Variants in AGBL1 observed in about 807,000 individuals in gnomAD.
The protein encoded by AGBL1 is AGBL carboxypeptidase 1, also known as cytosolic carboxypeptidase 4.
AGBL1 carries 130 observed loss-of-function variants against 118.9 expected under a neutral mutation model. The observed-to-expected ratio is 1.09, with a 90% CI of 0.95 to 1.26. The LOEUF (loss-of-function observed/expected upper bound fraction) is 1.26, where lower values mean the gene tolerates loss of function less well. Ranked by LOEUF, AGBL1 falls within the 50% of genes most tolerant of loss-of-function variation. The pLI, the probability that AGBL1 is intolerant of heterozygous loss-of-function variation, is 0.00. For missense variants in AGBL1, 1,584 were observed against 1,298.1 expected (o/e 1.22, Z -3.38); for synonymous variants, 555 against 478.9 (o/e 1.16, Z -2.08).
intron 5 of AGBL1, among the ~76,000 whole-genome samples, chr15:86,161,895 G>C (rs1312005287): frequency 6.6e-6 from 1 of 152,206 alleles, no homozygotes; most frequent in Non-Finnish European, 1.5e-5. Flanking sequence ...CTTAAAGCAT[G>C]AATGTCAAGT....
Position 86,674,435 on chromosome 15 carries a change from C to T in AGBL1, c.3157C>T (p.Arg1053Trp), listed in dbSNP as rs185919705. Residue 1053 changes from arginine to tryptophan, a missense_variant and splice_region_variant, in exon 22 of 23, where the codon CGG (arginine) becomes TGG (tryptophan). Coordinates refer to ENST00000614907, the MANE Select transcript of AGBL1 (RefSeq NM_001386094.1). ...GGACGCTCTGGACCAGCACCTCCAA[C>T]GGTAAGATGCTCCCAAGGGCTCAGA... The part of the protein sequence containing the change: ...EEDALDQHLQ[R>W]CSSSSGSVPS... The T allele has an allele frequency of 2.4e-3, 3,795 of 1,603,274 alleles. 8 individuals carry two copies. Among genetic ancestry groups the T allele is most frequent in the Non-Finnish European group, 2.7e-3 (3,201 of 1,171,986 alleles).
At chr15:86,246,831 A>G (rs1673338121) in intron 6 of AGBL1, among the ~76,000 whole-genome samples, 1 of 152,200 alleles carries the variant, frequency 6.6e-6, no homozygotes, top group Non-Finnish European at 1.5e-5. Context: ...CCTTACAGGT[A>G]CTATATCTCA....
intron 17 of AGBL1, among the ~76,000 whole-genome samples, chr15:86,378,391 C>T (rs890860173): frequency 6.6e-6 from 1 of 152,114 alleles, no homozygotes; most frequent in Admixed American, 6.5e-5. Flanking sequence ...TCCCATCGGC[C>T]TTCCTCTCTT....
chr15:86,997,544 G>A (rs1457942161), intron 24 of AGBL1, among the ~76,000 whole-genome samples: 1 of 152,074 alleles, frequency 6.6e-6, no homozygotes, highest in Non-Finnish European at 1.5e-5. Flanking sequence ...TAGCAACTAG[G>A]ATAGCCTTTG....
intron 5 of AGBL1, among the ~76,000 whole-genome samples, chr15:86,224,544 G>C (rs911824597): frequency 6.6e-6 from 1 of 152,062 alleles, no homozygotes; most frequent in South Asian, 2.1e-4. Context: ...CCATCCTCCA[G>C]AGTCCCTGCA....
At chr15:86,965,405 T>C (rs2081039342) in intron 23 of AGBL1, among the ~76,000 whole-genome samples, 1 of 152,144 alleles carries the variant, frequency 6.6e-6, no homozygotes, top group African/African-American at 2.4e-5. Context: ...TTTTTTTTCA[T>C]GTGTTTGTTG....
chr15:86,574,209 A>G (rs575030785), intron 21 of AGBL1, among the ~76,000 whole-genome samples: 19 of 152,224 alleles, frequency 1.2e-4, no homozygotes. Context: ...ATTTATCTGC[A>G]TGCTGTGCAC....
At chr15:86,198,488 G>A (rs1298274260) in intron 5 of AGBL1, among the ~76,000 whole-genome samples, 1 of 152,102 alleles carries the variant, frequency 6.6e-6, no homozygotes, top group Non-Finnish European at 1.5e-5. Flanking sequence ...GGGGTCAGAG[G>A]CAGAATGCTA....
At chr15:86,649,258 T>C (rs1315844144) in intron 21 of AGBL1, among the ~76,000 whole-genome samples, 1 of 152,190 alleles carries the variant, frequency 6.6e-6, no homozygotes, top group African/African-American at 2.4e-5. Flanking sequence ...GAAGAGGTTG[T>C]GGGAGTCTTT....
intron 22 of AGBL1, among the ~76,000 whole-genome samples, chr15:86,762,728 C>A (rs1048864033): frequency 2.6e-5 from 4 of 151,914 alleles, no homozygotes; most frequent in African/African-American, 9.7e-5. Flanking sequence ...CATTTGGTTT[C>A]TTTATCTCTG....
chr15:86,522,277 G>A (rs1034044315), intron 18 of AGBL1, among the ~76,000 whole-genome samples: 1 of 152,160 alleles, frequency 6.6e-6, no homozygotes, highest in African/African-American at 2.4e-5. Flanking sequence ...AACAGGGTTA[G>A]AAGCAAATAA....
At chr15:86,559,801 T>G (rs1274458604) in intron 21 of AGBL1, among the ~76,000 whole-genome samples, 1 of 152,080 alleles carries the variant, frequency 6.6e-6, no homozygotes, top group African/African-American at 2.4e-5. Flanking sequence ...GACAGATATG[T>G]TGCTGGGATC....
In AGBL1 at chr15:86,257,342, T is replaced by C. The variant is rs187957189; in HGVS notation, c.901+324T>C. Reference sequence around the variant, plus strand: ...ATCCCATGATCGAATCTCTGCAGCATACTGACTGTGGAATTAATTTGCCCT... The same window carrying C: ...ATCCCATGATCGAATCTCTGCAGCACACTGACTGTGGAATTAATTTGCCCT... On this transcript the variant is annotated intron_variant, in intron 8 of 22. Coordinates refer to ENST00000614907, the MANE Select transcript of AGBL1 (RefSeq NM_001386094.1). Among the ~76,000 whole-genome samples the C allele has an allele frequency of 2.2e-3, 339 of 152,342 alleles. 1 individual carries two copies. The highest frequency in any genetic ancestry group is 7.7e-3 in the African/African-American group (322 of 41,582).
At chr15:86,745,731 G>A (rs1036045665) in intron 22 of AGBL1, among the ~76,000 whole-genome samples, 1 of 152,082 alleles carries the variant, frequency 6.6e-6, no homozygotes, top group Non-Finnish European at 1.5e-5. Context: ...CAGGTCTTTG[G>A]TGTATAAGCC....
Position 86,837,343 on chromosome 15 carries a change from T to A in AGBL1, c.3159-69744T>A, listed in dbSNP as rs181759249. Among the ~76,000 whole-genome samples the A allele has an allele frequency of 6.0e-3, 921 of 152,320 alleles. 8 individuals are homozygous for A. The highest frequency in any genetic ancestry group is 0.01 in the Non-Finnish European group (706 of 68,018). On this transcript the variant is annotated intron_variant, in intron 22 of 22. Transcript: ENST00000614907. ...CTGGTCATTTATTTTATTTGTTTAT[T>A]TGCCTTACAAATTCTGAGTTATTGT...
At chr15:86,533,557 T>C (rs1034450869) in intron 19 of AGBL1, among the ~76,000 whole-genome samples, 6 of 133,340 alleles carry the variant, frequency 4.5e-5, no homozygotes, top group Non-Finnish European at 7.8e-5. Flanking sequence ...AGTGTGGCGA[T>C]TCCTCAGGGA....
At chr15:86,819,485 A>G (rs149097219) in intron 22 of AGBL1, among the ~76,000 whole-genome samples, 2 of 152,206 alleles carry the variant, frequency 1.3e-5, no homozygotes, top group African/African-American at 4.8e-5. Flanking sequence ...ATTCCTATAT[A>G]CCAATAATAG....
intron 24 of AGBL1, among the ~76,000 whole-genome samples, chr15:87,009,485 G>C (rs1028965085): frequency 1.3e-5 from 2 of 152,374 alleles, no homozygotes; most frequent in East Asian, 3.9e-4. Flanking sequence ...TGCTAGGGCA[G>C]TGTGGAAGAG....
At chr15:86,604,991 C>A (rs985156650) in intron 21 of AGBL1, among the ~76,000 whole-genome samples, 9 of 152,036 alleles carry the variant, frequency 5.9e-5, no homozygotes, top group South Asian at 4.2e-4. Flanking sequence ...GACGGGGTTT[C>A]TCCATGTTGG....
Sources: allele counts gnomAD v4.1 joint callset (sites outside exome capture counted in the v4.1 genomes callset), GRCh38; gene constraint gnomAD v4.1.1; transcripts MANE v1.5; gene names NCBI Gene and HGNC (gene_info 2026-07-23, HGNC 2026-07-21).